Variants in SARDH observed in about 807,000 individuals in gnomAD.
SARDH encodes the protein sarcosine dehydrogenase, mitochondrial.
SARDH carries 95 observed loss-of-function variants against 109.1 expected under a neutral mutation model. That is an observed-to-expected ratio of 0.87 (90% CI 0.74 to 1.03). SARDH has a LOEUF of 1.03. SARDH is among the 50% of genes least tolerant of loss of function. The pLI, the probability that SARDH is intolerant of heterozygous loss-of-function variation, is 0.00. For missense variants in SARDH, 1,267 were observed against 1,287.8 expected (o/e 0.98, Z 0.25); for synonymous variants, 572 against 534.8 (o/e 1.07, Z -0.96).
Position 133,674,796 on chromosome 9 carries a change from G to A in SARDH, c.2164-3099C>T, listed in dbSNP as rs566505260. Among the ~76,000 whole-genome samples, 49 of 152,334 alleles carry A rather than the reference G, an allele frequency of 3.2e-4. 1 individual carries two copies. The Middle Eastern group carries it at 0.01, about 32-fold the overall frequency. ...GTAGCTGTACAACCTCTGGAAGAAG[G>A]CATGGGGAGTTGGAAATGGCAAGGG... On this transcript the variant is annotated intron_variant, in intron 17 of 20. Transcript: ENST00000439388.
chr9:133,700,592 T>C (rs1320016757), intron 13 of SARDH, among the ~76,000 whole-genome samples: 1 of 152,158 alleles, frequency 6.6e-6, no homozygotes, highest in Admixed American at 6.5e-5. Flanking sequence ...GAAAACATTC[T>C]AAAACTAGAT....
Position 133,696,327 on chromosome 9 carries a change from G to A in SARDH, c.1703C>T (p.Ala568Val). The change falls in exon 14 of 21, where the codon GCC becomes GTC. Residue 568 changes from alanine (A) to valine (V), a missense_variant. Ala to Val is a moderately conservative substitution (Grantham distance 64). Coordinates refer to ENST00000439388, the MANE Select transcript of SARDH (RefSeq NM_001134707.2). ...KKECLACRGA[A>V]AVFDMSYFGK... is the part of the protein sequence containing the mutation. ...GAAGTAGGACATGTCAAACACAGCG[G>A]CGGCCCCTCTGCAGGCCAGGCACTC... is the stretch of plus-strand genomic sequence containing the variant. The A allele has an allele frequency of 1.9e-6, 3 of 1,614,144 alleles. No homozygotes were observed. Among genetic ancestry groups the A allele is most frequent in the Non-Finnish European group, 2.5e-6 (3 of 1,180,042 alleles).
downstream of SARDH, among the ~76,000 whole-genome samples, chr9:133,663,169 C>T (rs368142409): frequency 2.6e-5 from 4 of 152,284 alleles, no homozygotes; most frequent in Non-Finnish European, 2.9e-5. Flanking sequence ...GCCTGGTGAG[C>T]GAGGGGCTCA....
intron 3 of SARDH, 45 bp from the exon 4 acceptor site, chr9:133,731,529 C>T (rs767409059): frequency 3.1e-6 from 5 of 1,589,632 alleles, no homozygotes; most frequent in African/African-American, 1.3e-5. Context: ...GGGGAGCAGA[C>T]CCCTGGGCCA....
rs979585607 is a variant in SARDH, at chr9:133,663,759, C to A, written c.*130G>T. On this transcript the variant is annotated 3_prime_UTR_variant, in exon 21 of 21. Coordinates refer to ENST00000439388, the MANE Select transcript of SARDH (RefSeq NM_001134707.2). ...TCCGTATCTGGTTTGGGGGTTTTCG[C>A]AGGACTAGGCCTAGGCTAAGGACAG... 37 of 1,324,954 alleles carry A rather than the reference C, an allele frequency of 2.8e-5. No individual in the cohort carries two copies. The African/African-American group carries it at 5.5e-4, about 20-fold the overall frequency. 82.1% of individuals were successfully genotyped at this position (1,324,954 alleles called of 1,614,324 possible). A position where few individuals can be genotyped will look rare whatever the true frequency, so the allele number is the denominator to read the frequency against.
rs1288302271 is a variant in SARDH, at chr9:133,709,675, C to T, written c.1329-1247G>A. On this transcript the variant is annotated intron_variant, in intron 10 of 20. Coordinates refer to ENST00000439388, the MANE Select transcript of SARDH (RefSeq NM_001134707.2). The surrounding 1 kb of genome is among the most constrained non-coding windows in gnomAD (Gnocchi z 4.2). ...TTATTAATGATATTATCATTAACAG[C>T]TGCTGTCGCTTATGGCACCCAGCTC... 2.0e-5 allele frequency among the ~76,000 whole-genome samples: 3 copies of T among 152,158 alleles called. No individual in the cohort carries two copies. The highest frequency in any genetic ancestry group is 4.4e-5 in the Non-Finnish European group (3 of 68,038).
At chr9:133,715,009 CACATGGG>C (rs1388318358) in intron 8 of SARDH, among the ~76,000 whole-genome samples, 1 of 152,208 alleles carries the variant, frequency 6.6e-6, no homozygotes, top group Non-Finnish European at 1.5e-5. Flanking sequence ...AACCCGAGGA[CACATGGG>C]ACCTCCAGGC....
intron 11 of SARDH, among the ~76,000 whole-genome samples, chr9:133,707,040 A>G (rs1831719024): frequency 6.6e-6 from 1 of 152,204 alleles, no homozygotes; most frequent in Admixed American, 6.5e-5. Flanking sequence ...AAGGAGGCAA[A>G]CTGTTCATCT....
At chr9:133,736,866 G>A (rs369344491) in intron 1 of SARDH, among the ~76,000 whole-genome samples, 57 of 152,342 alleles carry the variant, frequency 3.7e-4, no homozygotes, top group African/African-American at 1.1e-3. Context: ...TGCCACCTAC[G>A]TCAGTATGAA....
intron 8 of SARDH, among the ~76,000 whole-genome samples, 186 bp downstream of exon 8, chr9:133,717,140 C>T (rs1369171368): frequency 2.0e-5 from 3 of 151,992 alleles, no homozygotes; most frequent in Admixed American, 6.5e-5. Context: ...CCAGGCCTCT[C>T]GCCCGTAGAG....
At chr9:133,737,622 C>A (rs1173357441) in intron 1 of SARDH, among the ~76,000 whole-genome samples, 2 of 152,226 alleles carry the variant, frequency 1.3e-5, no homozygotes, top group African/African-American at 2.4e-5. Flanking sequence ...AGCCTCCCTC[C>A]TCCTTCCGAC....
At chr9:133,705,189 C>T (rs1009293491) in intron 11 of SARDH, among the ~76,000 whole-genome samples, 158 bp from the exon 12 acceptor site, 16 of 152,130 alleles carry the variant, frequency 1.1e-4, no homozygotes, top group African/African-American at 3.9e-4. Context: ...CAGCTACCCT[C>T]ACTGCCTCAC....
intron 1 of SARDH, among the ~76,000 whole-genome samples, chr9:133,737,176 G>A (rs560517089): frequency 6.2e-4 from 95 of 152,342 alleles, no homozygotes; most frequent in Admixed American, 2.2e-3. Flanking sequence ...ACGAAGCCCA[G>A]AACCCTGTCC....
chr9:133,705,008 C>T lies in SARDH; in HGVS notation c.1494G>A (p.Val498=). Residue 498 remains valine (V), a synonymous_variant, in exon 12 of 21, where the codon GTG becomes GTA. Coordinates refer to ENST00000439388, the MANE Select transcript of SARDH (RefSeq NM_001134707.2). Reference sequence around the variant, plus strand: ...GCTCCCAGCCATGCCGCTCCTGGAACACGCAGCCTTGTCCAAGGAGTTCCT... The same window carrying T: ...GCTCCCAGCCATGCCGCTCCTGGAATACGCAGCCTTGTCCAAGGAGTTCCT... The part of the protein sequence containing the change: ...LHEELLGQGC[V]FQERHGWERP... 1 of 1,592,424 alleles carries T rather than the reference C, an allele frequency of 6.3e-7. No homozygotes were observed. Among genetic ancestry groups the T allele is most frequent in the South Asian group, 1.1e-5 (1 of 86,984 alleles).
intron 6 of SARDH, among the ~76,000 whole-genome samples, chr9:133,720,480 G>C (rs1288698007): frequency 6.6e-6 from 1 of 152,134 alleles, no homozygotes; most frequent in African/African-American, 2.4e-5. Context: ...ACAAGAAGAT[G>C]GTGTATTAGT....
Position 133,712,064 on chromosome 9 carries a change from C to T in SARDH, c.1328+555G>A, listed in dbSNP as rs1831942128. Among the ~76,000 whole-genome samples the T allele has an allele frequency of 6.6e-6, 1 of 152,332 alleles. No individual in the cohort carries two copies. The highest frequency in any genetic ancestry group is 3.4e-3 in the Middle Eastern group (1 of 294). On this transcript the variant is annotated intron_variant, in intron 10 of 20. Transcript: ENST00000439388. The surrounding 1 kb of genome is among the most constrained non-coding windows in gnomAD (Gnocchi z 4.1). ...CATGCCTCGGCTGGGGATGACTTAG[C>T]GTTTCCATGTGCAGACCCCATGCTG...
intron 9 of SARDH, 21 bp downstream of exon 9, chr9:133,713,017 A>G (rs1831985570): frequency 6.2e-7 from 1 of 1,600,396 alleles, no homozygotes; most frequent in Admixed American, 1.7e-5. Flanking sequence ...GGGGGCCAGG[A>G]GGGCTGCTGC....
chr9:133,696,984 C>A (rs556004426), intron 13 of SARDH, among the ~76,000 whole-genome samples: 2 of 151,908 alleles, frequency 1.3e-5, no homozygotes, highest in South Asian at 2.1e-4. Flanking sequence ...AAATAAGAAT[C>A]GAAAAATAGG....
At position 133,666,671 on chromosome 9, in the gene SARDH, G is replaced by A; in HGVS notation, c.2631+64C>T. The A allele has an allele frequency of 1.9e-6, 3 of 1,549,946 alleles. No individual in the cohort carries two copies. The highest frequency in any genetic ancestry group is 2.6e-6 in the Non-Finnish European group (3 of 1,145,850). ...CGGCACACTCAGGGTGCAGTGCAGG[G>A]AGCTGGTTTGGAGCTGGTGAGGGAT... is the stretch of plus-strand genomic sequence containing the variant. On this transcript the variant is annotated intron_variant, in intron 20 of 20. Transcript: ENST00000439388. This position sits in a 1 kb window ranked among gnomAD's most constrained non-coding sequence, Gnocchi z 5.2.
Sources: gnomAD v4.1 joint callset for allele counts (sites outside exome capture counted in the v4.1 genomes callset) on GRCh38, gnomAD v4.1.1 for gene constraint, Gnocchi (gnomAD v3.1) non-coding constraint, MANE v1.5 for transcripts, NCBI Gene and HGNC (gene_info 2026-07-23, HGNC 2026-07-21) for gene names.